BAZ1A: variants seen among roughly 807,000 people sequenced by gnomAD.
BAZ1A encodes bromodomain adjacent to zinc finger domain 1A.
Under a neutral mutation model 185.2 loss-of-function variants are expected in BAZ1A, and 50 were observed. That is an observed-to-expected ratio of 0.27 (90% CI 0.22 to 0.34). The LOEUF (loss-of-function observed/expected upper bound fraction) is 0.34. Ranked by LOEUF, BAZ1A falls within the 10% of genes least tolerant of loss-of-function variation. The pLI is 1.00. For synonymous variants in BAZ1A, 571 were observed against 615.6 expected (o/e 0.93, Z 1.07); for missense variants, 1,356 against 1,839.9 (o/e 0.74, Z 4.81).
In BAZ1A at chr14:34,774,128, C is replaced by A. The variant is rs150505745; in HGVS notation, c.2997+199G>T. Among the ~76,000 whole-genome samples, 35 of 152,292 alleles carry A rather than the reference C, an allele frequency of 2.3e-4. 1 individual carries two copies. In the South Asian group the frequency reaches 6.4e-3, roughly 28 times the overall value. On this transcript the variant is annotated intron_variant, in intron 19 of 26. Transcript: ENST00000360310. ...GTCAAGGAAGAAGAAAATATCCTTACGCATTTCAACATCTGATGAAAATAT... is the reference window on the plus strand; with the variant it reads ...GTCAAGGAAGAAGAAAATATCCTTAAGCATTTCAACATCTGATGAAAATAT...
chr14:34,821,398 C>G (rs768231497), intron 4 of BAZ1A, among the ~76,000 whole-genome samples: 2 of 152,136 alleles, frequency 1.3e-5, no homozygotes, highest in Non-Finnish European at 2.9e-5. Flanking sequence ...TGAATAAATA[C>G]TTGTTCCCTT....
rs1566543115 is a variant in BAZ1A at position 34,758,859 on chromosome 14, T to C, written c.4244-13A>G. 1.9e-6 allele frequency: 3 copies of C among 1,611,648 alleles called. No individual in the cohort carries two copies. Among genetic ancestry groups the C allele is most frequent in the Non-Finnish European group, 2.5e-6 (3 of 1,179,372 alleles). ...ACAGGCGATGGCTCTGAGTAAATAA[T>C]TACAACATTTTAGGTGATAACAAAG... On this transcript the variant is annotated splice_polypyrimidine_tract_variant and intron_variant, in intron 24 of 26. Coordinates refer to ENST00000360310, the MANE Select transcript of BAZ1A (RefSeq NM_013448.3).
intron 15 of BAZ1A, among the ~76,000 whole-genome samples, chr14:34,783,539 T>C (rs553950256): frequency 6.6e-6 from 1 of 152,132 alleles, no homozygotes; most frequent in African/African-American, 2.4e-5. Flanking sequence ...TTTGGCCATG[T>C]TGGCCAGGCT....
rs1467920827 is a variant in BAZ1A at position 34,783,110 on chromosome 14, A to G, written c.2111+9T>C. On this transcript the variant is annotated intron_variant, in intron 16 of 26. Transcript: ENST00000360310. ...GTAAAGCAGATGAACAGTGTGATTC[A>G]AACCATACCCAATAGATATATCTGC... 1 of 1,568,304 alleles carries G rather than the reference A, an allele frequency of 6.4e-7. No homozygotes were observed. Among genetic ancestry groups the G allele is most frequent in the Non-Finnish European group, 8.8e-7 (1 of 1,140,614 alleles).
intron 9 of BAZ1A, among the ~76,000 whole-genome samples, chr14:34,799,224 G>A (rs1413426804): frequency 8.4e-6 from 1 of 118,660 alleles, no homozygotes; most frequent in Non-Finnish European, 1.7e-5. Context: ...TCATACACCA[G>A]GGCCTGTTGT....
chr14:34,840,195 T>A (rs1024556881), intron 3 of BAZ1A, among the ~76,000 whole-genome samples: 1 of 152,192 alleles, frequency 6.6e-6, no homozygotes, highest in Non-Finnish European at 1.5e-5. Context: ...GTCCTGCCTA[T>A]ACTTATTAGA....
chr14:34,805,835 A>G (rs2138666315), intron 6 of BAZ1A, among the ~76,000 whole-genome samples: 1 of 148,138 alleles, frequency 6.8e-6, no homozygotes, highest in Non-Finnish European at 1.5e-5. Flanking sequence ...CATTGTATTT[A>G]CTCAAGGTAT....
At position 34,873,228 on chromosome 14, in the gene BAZ1A, C is replaced by G. The variant is rs866744640; in HGVS notation, c.113+1264G>C. Among the ~76,000 whole-genome samples, 7 of 152,176 alleles carry G rather than the reference C, an allele frequency of 4.6e-5. 1 individual carries two copies. The South Asian group carries it at 1.5e-3, about 32-fold the overall frequency. On this transcript the variant is annotated intron_variant, in intron 2 of 26. Transcript: ENST00000360310. The stretch of plus-strand genomic sequence containing the variant: ...GCCCAAAACCCTCCCTTGATCAAGC[C>G]CCCACTCAGAAAAGGTGCCTCCTTA...
In BAZ1A at chr14:34,779,929, C is replaced by T. The variant is rs80061040; in HGVS notation, c.2236+257G>A. Among the ~76,000 whole-genome samples the T allele has an allele frequency of 6.2e-3, 945 of 152,172 alleles. 17 individuals are homozygous for T. The highest frequency in any genetic ancestry group is 0.022 in the African/African-American group (905 of 41,510). The stretch of plus-strand genomic sequence containing the variant: ...AAATTATGAGAAACTGTCCTATTAA[C>T]GACATAGGAATATTGTATCTTCTTT... On this transcript the variant is annotated intron_variant, in intron 17 of 26. Coordinates refer to ENST00000360310, the MANE Select transcript of BAZ1A (RefSeq NM_013448.3).
At chr14:34,863,836 C>G (rs983669348) in intron 2 of BAZ1A, among the ~76,000 whole-genome samples, 1 of 131,894 alleles carries the variant, frequency 7.6e-6, no homozygotes, top group African/African-American at 2.8e-5. Flanking sequence ...CTAAATAATT[C>G]TATATTGTTT....
At chr14:34,809,222 T>C (rs2041893995) in intron 5 of BAZ1A, among the ~76,000 whole-genome samples, 1 of 152,168 alleles carries the variant, frequency 6.6e-6, no homozygotes, top group Non-Finnish European at 1.5e-5. Flanking sequence ...AGGATGACTA[T>C]ATTCTTTTCC....
chr14:34,822,807 G>T (rs7342544), intron 4 of BAZ1A, among the ~76,000 whole-genome samples: 88,196 of 151,974 alleles, frequency 0.58, 25,833 homozygotes, highest in South Asian at 0.67. Flanking sequence ...CAAGTAGGAT[G>T]CACCAATGGA....
In BAZ1A at chr14:34,801,645, A is replaced by G. The variant is rs1466768082; in HGVS notation, c.862-452T>C. Among the ~76,000 whole-genome samples the G allele has an allele frequency of 2.6e-5, 4 of 152,306 alleles. No homozygotes were observed. The East Asian group carries it at 7.7e-4, about 29-fold the overall frequency. ...ATAATTGGGCCGGGCACAGTGGCTC[A>G]TGCCTGTGATCCTAGCATTTTGGGA... On this transcript the variant is annotated intron_variant, in intron 7 of 26. Coordinates refer to ENST00000360310, the MANE Select transcript of BAZ1A (RefSeq NM_013448.3).
chr14:34,853,744 G>A (rs968437632), intron 3 of BAZ1A, among the ~76,000 whole-genome samples: 18 of 152,208 alleles, frequency 1.2e-4, no homozygotes, highest in African/African-American at 4.3e-4. Flanking sequence ...CTGAGATGGT[G>A]CCACTGCACT....
Position 34,874,356 on chromosome 14 carries a change from C to G in BAZ1A, c.113+136G>C. ...AGGTGGAGGCCAGGAGGCAGAGAAC[C>G]GCGGGCCCGGGGGCCACCCGTCACT... On this transcript the variant is annotated intron_variant, in intron 2 of 26. Transcript: ENST00000360310. This position sits in a 1 kb window ranked among gnomAD's most constrained non-coding sequence, Gnocchi z 4.7. 2 of 835,672 alleles carry G rather than the reference C, an allele frequency of 2.4e-6. No homozygotes were observed. Among genetic ancestry groups the G allele is most frequent in the Non-Finnish European group, 3.8e-6 (2 of 526,200 alleles). The allele number at this position is 835,672 out of a possible 1,614,324, so 51.8% of individuals were successfully genotyped here. A position where few individuals can be genotyped will look rare whatever the true frequency, so the allele number is the denominator to read the frequency against.
intron 23 of BAZ1A, among the ~76,000 whole-genome samples, 195 bp from the exon 24 acceptor site, chr14:34,762,418 A>G (rs1353783608): frequency 6.6e-6 from 1 of 151,976 alleles, no homozygotes; most frequent in Non-Finnish European, 1.5e-5. Flanking sequence ...GCTTTCATGT[A>G]TTTCTTTGAA....
intron 2 of BAZ1A, among the ~76,000 whole-genome samples, chr14:34,862,955 T>C (rs2042793732): frequency 6.6e-6 from 1 of 150,818 alleles, no homozygotes; most frequent in Non-Finnish European, 1.5e-5. Flanking sequence ...AATACGCGCA[T>C]TTACCTATTT....
intron 2 of BAZ1A, among the ~76,000 whole-genome samples, chr14:34,866,008 C>T (rs767018255): frequency 2.0e-5 from 3 of 151,674 alleles, no homozygotes; most frequent in East Asian, 1.9e-4. Context: ...CGCAACAAAG[C>T]GAGACCCTGT....
intron 2 of BAZ1A, among the ~76,000 whole-genome samples, chr14:34,866,502 A>AAAAAAAGAAAG: frequency 0.18 from 14,581 of 79,492 alleles, 2,194 homozygotes; most frequent in Non-Finnish European, 0.25. Context: ...AAAAAAAAAA[A>AAAAAAAGAAAG]GAAAAAAGTT....
Sources: allele counts gnomAD v4.1 joint callset (sites outside exome capture counted in the v4.1 genomes callset), GRCh38; gene constraint gnomAD v4.1.1; non-coding constraint Gnocchi (gnomAD v3.1); transcripts MANE v1.5; gene names NCBI Gene and HGNC (gene_info 2026-07-23, HGNC 2026-07-21).